DGKI: variants seen among roughly 807,000 people sequenced by gnomAD.
The protein encoded by DGKI is DAG kinase iota.
DGKI carries 55 observed loss-of-function variants against 147.5 expected under a neutral mutation model. That is an observed-to-expected ratio of 0.37 (90% CI 0.30 to 0.47). The LOEUF is 0.47. Ranked by LOEUF, DGKI falls within the 20% of genes least tolerant of loss-of-function variation. The pLI, the probability that DGKI is intolerant of heterozygous loss-of-function variation, is 1.00. For missense variants in DGKI, 1,007 were observed against 1,323.8 expected, an observed-to-expected ratio of 0.76 and a Z score of 3.71; for synonymous variants, 469 against 477.1, an observed-to-expected ratio of 0.98 and a Z score of 0.22.
At chr7:137,707,423 A>G (rs1490136063) in intron 1 of DGKI, among the ~76,000 whole-genome samples, 2 of 152,148 alleles carry the variant, frequency 1.3e-5, no homozygotes, top group East Asian at 3.9e-4. Context: ...CTGACCATTG[A>G]TATGTCTGGA....
At chr7:137,843,244 T>C (rs77093018) in intron 1 of DGKI, 2,963 of 175,332 alleles carry the variant, frequency 0.017, 97 homozygotes, top group African/African-American at 0.068. Context: ...TTTTTTTTAT[T>C]GTACTGACTT....
chr7:137,672,766 CTTTTTTT>C (rs60078498), intron 3 of DGKI, among the ~76,000 whole-genome samples: 18 of 65,684 alleles, frequency 2.7e-4, no homozygotes, highest in African/African-American at 9.4e-4. Context: ...CTCTGTGTGT[CTTTTTTT>C]TTTTTTTTTT....
At chr7:137,702,314 T>C (rs1196392763) in intron 1 of DGKI, among the ~76,000 whole-genome samples, 1 of 152,074 alleles carries the variant, frequency 6.6e-6, no homozygotes, top group African/African-American at 2.4e-5. Context: ...TACATCAAAA[T>C]TAACATCTAC....
At chr7:137,843,457 C>G in intron 1 of DGKI, 1 of 984,612 alleles carries the variant, frequency 1.0e-6, no homozygotes, top group African/African-American at 1.7e-5. Context: ...TCTAGGGGTG[C>G]AGATTCTGAA....
intron 19 of DGKI, among the ~76,000 whole-genome samples, chr7:137,562,363 T>C (rs28559937): frequency 0.034 from 5,151 of 152,088 alleles, 149 homozygotes; most frequent in African/African-American, 0.074. Flanking sequence ...TGGTGAAACC[T>C]CGCCTCTACT....
chr7:137,611,847 A>G (rs1820374921), intron 8 of DGKI, among the ~76,000 whole-genome samples: 1 of 152,148 alleles, frequency 6.6e-6, no homozygotes, highest in East Asian at 1.9e-4. Context: ...AATTCACAGC[A>G]TTTACTGAGC....
chr7:137,645,421 G>T, intron 6 of DGKI, 51 bp downstream of exon 6: 1 of 1,537,288 alleles, frequency 6.5e-7, no homozygotes, highest in Non-Finnish European at 8.9e-7. Context: ...TCAGTTGCTT[G>T]CAGAGGCCTG....
chr7:137,395,553 G>A (rs753653922), intron 32 of DGKI, 45 bp downstream of exon 32: 23 of 1,570,888 alleles, frequency 1.5e-5, no homozygotes, highest in East Asian at 4.5e-5. Context: ...CAGCGCCTGC[G>A]ATCTCGCCCA....
intron 21 of DGKI, among the ~76,000 whole-genome samples, chr7:137,505,401 T>C (rs1456877338): frequency 1.3e-5 from 2 of 152,040 alleles, no homozygotes; most frequent in Non-Finnish European, 2.9e-5. Context: ...AGAGAAACCA[T>C]CTCATTTATG....
chr7:137,838,539 C>G (rs1451897425), intron 1 of DGKI, among the ~76,000 whole-genome samples: 1 of 152,066 alleles, frequency 6.6e-6, no homozygotes. Context: ...CCTTACAAGC[C>G]TGACATCTTT....
At chr7:137,482,015 A>G (rs541569656) in intron 23 of DGKI, among the ~76,000 whole-genome samples, 2 of 152,104 alleles carry the variant, frequency 1.3e-5, no homozygotes, top group Admixed American at 1.3e-4. Context: ...CCTTACTCCC[A>G]CCGGGACAAA....
intron 1 of DGKI, among the ~76,000 whole-genome samples, chr7:137,725,981 T>G (rs986572344): frequency 6.6e-6 from 1 of 152,222 alleles, no homozygotes; most frequent in Non-Finnish European, 1.5e-5. Context: ...TTAAATAGAA[T>G]ACTCAAAGCT....
intron 9 of DGKI, 66 bp downstream of exon 9, chr7:137,609,469 C>G: frequency 2.4e-6 from 3 of 1,272,762 alleles, no homozygotes; most frequent in Non-Finnish European, 3.4e-6. Flanking sequence ...GACCAGATCT[C>G]ATAGGACAGA....
intron 1 of DGKI, among the ~76,000 whole-genome samples, chr7:137,803,682 T>C (rs1030072619): frequency 1.3e-5 from 2 of 152,230 alleles, no homozygotes; most frequent in Non-Finnish European, 2.9e-5. Context: ...TACTTAAGAA[T>C]TTCTTACAAA....
At position 137,416,076 on chromosome 7, in the gene DGKI, T is replaced by C. The variant is rs1258938113; in HGVS notation, c.2762-3869A>G. Among the ~76,000 whole-genome samples, 5 of 151,450 alleles carry C rather than the reference T, an allele frequency of 3.3e-5. No individual in the cohort carries two copies. The East Asian group carries it at 5.8e-4, about 18-fold the overall frequency. ...GAAACATTTCTCAGAATTTAAAAGT[T>C]AATAAAAAGAGAGAGAGAGAAACAG... is the stretch of plus-strand genomic sequence containing the variant. On this transcript the variant is annotated intron_variant, in intron 28 of 32. Transcript: ENST00000614521.
intron 3 of DGKI, among the ~76,000 whole-genome samples, chr7:137,659,166 A>G (rs1338446263): frequency 1.3e-5 from 2 of 152,102 alleles, no homozygotes; most frequent in African/African-American, 2.4e-5. Flanking sequence ...GTTGCTCTCA[A>G]TTTCCTAAAT....
chr7:137,638,390 C>CT (rs1161859468), intron 6 of DGKI, among the ~76,000 whole-genome samples: 3 of 141,030 alleles, frequency 2.1e-5, no homozygotes, highest in South Asian at 4.6e-4. Context: ...TATTTTTGCC[C>CT]TTTTATGAAT....
chr7:137,839,220 T>C (rs1230140517), intron 1 of DGKI, among the ~76,000 whole-genome samples: 1 of 152,210 alleles, frequency 6.6e-6, no homozygotes. Context: ...AGAAGCAGCT[T>C]TCTCCCCTTC....
intron 1 of DGKI, chr7:137,722,570 T>C (rs1794598092): frequency 1.3e-6 from 2 of 1,585,512 alleles, no homozygotes; most frequent in Non-Finnish European, 1.7e-6. Context: ...AAATTTGTCA[T>C]TGCCACCTCA....
Sources: gnomAD v4.1 joint callset for allele counts (sites outside exome capture counted in the v4.1 genomes callset) on GRCh38, gnomAD v4.1.1 for gene constraint, MANE v1.5 for transcripts, NCBI Gene and HGNC (gene_info 2026-07-23, HGNC 2026-07-21) for gene names.